The following AGAP1 variants were observed in gnomAD, a reference collection of about 807,000 sequenced individuals.
The protein encoded by AGAP1 is arf-GAP with GTPase, ANK repeat and PH domain-containing protein 1.
In AGAP1, 29 loss-of-function variants were observed where a neutral mutation model predicts 105.3. The observed-to-expected ratio is 0.28, with a 90% CI of 0.21 to 0.38. AGAP1 has a LOEUF of 0.38. AGAP1 is among the 10% of genes least tolerant of loss of function. The pLI is 1.00. For missense variants in AGAP1, 998 were observed against 1,165.1 expected (o/e 0.86, Z 2.09); for synonymous variants, 509 against 485.9 (o/e 1.05, Z -0.63).
chr2:236,123,813 C>T lies in AGAP1; in HGVS notation c.2371-106C>T, dbSNP rs1414892988. On this transcript the variant is annotated intron_variant, in intron 17 of 17. Coordinates refer to ENST00000304032, the MANE Select transcript of AGAP1 (RefSeq NM_001037131.3). This position sits in a 1 kb window ranked among gnomAD's most constrained non-coding sequence, Gnocchi z 4.6. ...CCCCAGCCAGTTGTGTAGCTGGCCC[C>T]GCTGTCCAAGCACAAGCCACATGCA... 17 of 1,398,016 alleles carry T rather than the reference C, an allele frequency of 1.2e-5. No individual in the cohort carries two copies. Among genetic ancestry groups the T allele is most frequent in the Middle Eastern group, 2.5e-4 (1 of 3,998 alleles). The allele number at this position is 1,398,016 out of a possible 1,614,324, so 86.6% of individuals were successfully genotyped here.
intron 1 of AGAP1, among the ~76,000 whole-genome samples, chr2:235,613,112 C>G (rs1946193815): frequency 2.0e-5 from 3 of 150,870 alleles, no homozygotes; most frequent in Admixed American, 2.0e-4. Context: ...AGTGTAACCT[C>G]TGCCTCCTGA....
intron 16 of AGAP1, among the ~76,000 whole-genome samples, chr2:236,068,867 G>A (rs1260064294): frequency 2.7e-5 from 4 of 147,240 alleles, no homozygotes; most frequent in Non-Finnish European, 4.5e-5. Flanking sequence ...GGTGGTTCAC[G>A]CCTGTAATCC....
chr2:236,070,972 A>G (rs2058480239), intron 16 of AGAP1, among the ~76,000 whole-genome samples: 1 of 152,242 alleles, frequency 6.6e-6, no homozygotes, highest in African/African-American at 2.4e-5. Context: ...GCTGTTAGAA[A>G]AAAGAAAAGA....
intron 1 of AGAP1, among the ~76,000 whole-genome samples, chr2:235,514,834 G>A (rs1156330775): frequency 6.6e-6 from 1 of 152,222 alleles, no homozygotes; most frequent in African/African-American, 2.4e-5. Flanking sequence ...AGGGAGGCGG[G>A]ATGGACTCTG....
chr2:236,035,455 T>C lies in AGAP1; in HGVS notation c.1646-1106T>C, dbSNP rs1000021746. Among the ~76,000 whole-genome samples, 9 of 151,966 alleles carry C rather than the reference T, an allele frequency of 5.9e-5. No individual in the cohort carries two copies. Among genetic ancestry groups the C allele is most frequent in the Non-Finnish European group, 1.3e-4 (9 of 67,976 alleles). On this transcript the variant is annotated intron_variant, in intron 13 of 17. Coordinates refer to ENST00000304032, the MANE Select transcript of AGAP1 (RefSeq NM_001037131.3). The surrounding 1 kb of genome is among the most constrained non-coding windows in gnomAD (Gnocchi z 4.2). ...TTGAGACCAGCCTAGGGAGACACCATCTCTACAAAAAATGTCTAACAATTG... is the reference window on the plus strand; with the variant it reads ...TTGAGACCAGCCTAGGGAGACACCACCTCTACAAAAAATGTCTAACAATTG...
At position 235,744,789 on chromosome 2, in the gene AGAP1, C is replaced by G. The variant is rs1366515990; in HGVS notation, c.488C>G (p.Ala163Gly). Reference sequence around the variant, plus strand: ...GTTTACCACTACTACAGTCGAATGGCCAACTATCGGAACACGAGCGAGATT... The same window carrying G: ...GTTTACCACTACTACAGTCGAATGGGCAACTATCGGAACACGAGCGAGATT... ...QTVYHYYSRMANYRNTSEIPL... is the reference protein window; with the variant it reads ...QTVYHYYSRMGNYRNTSEIPL... The change falls in exon 5 of 18, where the codon GCC becomes GGC. Residue 163 changes from alanine to glycine, a missense_variant. Physicochemically the swap from Ala to Gly is moderately conservative, Grantham distance 60. Transcript: ENST00000304032. This position sits in a 1 kb window ranked among gnomAD's most constrained non-coding sequence, Gnocchi z 5.2. The G allele has an allele frequency of 6.2e-7, 1 of 1,613,864 alleles. No individual in the cohort carries two copies. The highest frequency in any genetic ancestry group is 8.5e-7 in the Non-Finnish European group (1 of 1,180,018).
At chr2:235,903,141 A>G (rs1009877601) in intron 10 of AGAP1, among the ~76,000 whole-genome samples, 1 of 152,126 alleles carries the variant, frequency 6.6e-6, no homozygotes, top group Non-Finnish European at 1.5e-5. Flanking sequence ...TTATATATTA[A>G]TATAAAATAT....
rs1950992478 is a variant in AGAP1, at chr2:235,714,386, A to G, written c.223-3171A>G. The stretch of plus-strand genomic sequence containing the variant: ...AGGACGGGGAAGCACAAACATTCCT[A>G]CCATATAGTTGAAGGCTTGTCAGAG... On this transcript the variant is annotated intron_variant, in intron 2 of 17. Transcript: ENST00000304032. The surrounding 1 kb of genome is among the most constrained non-coding windows in gnomAD (Gnocchi z 4.1). 6.6e-6 allele frequency among the ~76,000 whole-genome samples: 1 copy of G among 151,890 alleles called. No individual in the cohort carries two copies. Among genetic ancestry groups the G allele is most frequent in the Non-Finnish European group, 1.5e-5 (1 of 68,008 alleles).
chr2:235,511,802 G>A (rs115536310), intron 1 of AGAP1, among the ~76,000 whole-genome samples: 4,002 of 152,218 alleles, frequency 0.026, 77 homozygotes, highest in Non-Finnish European at 0.036. Context: ...GATTCAGTGT[G>A]CGTATTTGTG....
Position 236,113,775 on chromosome 2 carries a change from C to T in AGAP1, c.2115-6417C>T, listed in dbSNP as rs1311019360. Among the ~76,000 whole-genome samples, 3 of 152,134 alleles carry T rather than the reference C, an allele frequency of 2.0e-5. No homozygotes were observed. Among genetic ancestry groups the T allele is most frequent in the Admixed American group, 6.5e-5 (1 of 15,272 alleles). On this transcript the variant is annotated intron_variant, in intron 16 of 17. Transcript: ENST00000304032. This position sits in a 1 kb window ranked among gnomAD's most constrained non-coding sequence, Gnocchi z 4.3. ...GACCCCGAAAAATCCAGAGGGTTCA[C>T]GGCTCCTGCAACCTACCCAGTGATT...
chr2:235,929,788 A>G (rs2052633518), intron 11 of AGAP1, among the ~76,000 whole-genome samples: 1 of 152,226 alleles, frequency 6.6e-6, no homozygotes, highest in African/African-American at 2.4e-5. Flanking sequence ...CACTAGTTCT[A>G]AAAAGCTCCA....
At position 235,905,840 on chromosome 2, in the gene AGAP1, TGAGAATTCC is replaced by T. The variant is rs1241347992; in HGVS notation, c.1156-2897_1156-2889del. On this transcript the variant is annotated intron_variant, in intron 10 of 17. Transcript: ENST00000304032. The surrounding 1 kb of genome is among the most constrained non-coding windows in gnomAD (Gnocchi z 4.2). ...TGTCACCCTCAACACAGCGCAGTCCTGAGAATTCCTGTGCCGCTTCCAGCTCTAGCTTTC... is the reference window on the plus strand; with the variant it reads ...TGTCACCCTCAACACAGCGCAGTCCTTGTGCCGCTTCCAGCTCTAGCTTTC... Among the ~76,000 whole-genome samples, 1 of 152,238 alleles carries T rather than the reference TGAGAATTCC, an allele frequency of 6.6e-6. No individual in the cohort carries two copies. Among genetic ancestry groups the T allele is most frequent in the Non-Finnish European group, 1.5e-5 (1 of 68,038 alleles).
Position 235,601,064 on chromosome 2 carries a change from C to T in AGAP1, c.163+106215C>T, listed in dbSNP as rs1337181947. Among the ~76,000 whole-genome samples the T allele has an allele frequency of 6.6e-6, 1 of 152,228 alleles. No individual in the cohort carries two copies. Among genetic ancestry groups the T allele is most frequent in the Non-Finnish European group, 1.5e-5 (1 of 68,034 alleles). On this transcript the variant is annotated intron_variant, in intron 1 of 17. Coordinates refer to ENST00000304032, the MANE Select transcript of AGAP1 (RefSeq NM_001037131.3). The surrounding 1 kb of genome is among the most constrained non-coding windows in gnomAD (Gnocchi z 4.4). ...CTGGGAAACGCCACTGCCACAGTAC[C>T]TGCAGGGTCCAGCCAGCTCCCCACC...
At chr2:235,986,733 G>A (rs1575975188) in intron 13 of AGAP1, among the ~76,000 whole-genome samples, 1 of 152,142 alleles carries the variant, frequency 6.6e-6, no homozygotes, top group Admixed American at 6.5e-5. Context: ...ATATAATGAT[G>A]TGGTTTTTAT....
rs1202496105 is a variant in AGAP1 at position 235,737,931 on chromosome 2, A to AG, written c.311-3029dup. ...GAACCTTAGGGTTCATCAAGCAGGGAGGGCTTCCACATACCCTTGTATCTG... is the reference window on the plus strand; with the variant it reads ...GAACCTTAGGGTTCATCAAGCAGGGAGGGGCTTCCACATACCCTTGTATCTG... On this transcript the variant is annotated intron_variant, in intron 3 of 17. Transcript: ENST00000304032. This position sits in a 1 kb window ranked among gnomAD's most constrained non-coding sequence, Gnocchi z 4.5. Among the ~76,000 whole-genome samples, 4 of 151,912 alleles carry AG rather than the reference A, an allele frequency of 2.6e-5. No homozygotes were observed. Among genetic ancestry groups the AG allele is most frequent in the African/African-American group, 9.7e-5 (4 of 41,354 alleles).
chr2:236,074,082 G>C (rs1308675977), intron 16 of AGAP1, among the ~76,000 whole-genome samples: 1 of 151,820 alleles, frequency 6.6e-6, no homozygotes, highest in Admixed American at 6.6e-5. Flanking sequence ...CCTGCTAGCT[G>C]TAGAGATCCA....
intron 6 of AGAP1, among the ~76,000 whole-genome samples, chr2:235,776,726 C>G (rs1056209371): frequency 6.6e-6 from 1 of 152,162 alleles, no homozygotes; most frequent in East Asian, 1.9e-4. Flanking sequence ...GGGCCCTCCC[C>G]CTTCCCCTTG....
rs1191754415 is a variant in AGAP1, at chr2:236,036,208, T to A, written c.1646-353T>A. On this transcript the variant is annotated intron_variant, in intron 13 of 17. Coordinates refer to ENST00000304032, the MANE Select transcript of AGAP1 (RefSeq NM_001037131.3). The surrounding 1 kb of genome is among the most constrained non-coding windows in gnomAD (Gnocchi z 5.7). ...CAGCCGGAGATTAGCGGCCCTAACT[T>A]AATTTTCGTCCCACAGATAAGGATG... Among the ~76,000 whole-genome samples, 1 of 152,158 alleles carries A rather than the reference T, an allele frequency of 6.6e-6. No homozygotes were observed. Among genetic ancestry groups the A allele is most frequent in the African/African-American group, 2.4e-5 (1 of 41,436 alleles).
chr2:235,909,583 A>G (rs2051476577), intron 11 of AGAP1, among the ~76,000 whole-genome samples: 1 of 151,796 alleles, frequency 6.6e-6, no homozygotes, highest in Non-Finnish European at 1.5e-5. Context: ...ATCAGAGATA[A>G]GGAGAAGATC....
Sources: allele counts gnomAD v4.1 joint callset (sites outside exome capture counted in the v4.1 genomes callset), GRCh38; gene constraint gnomAD v4.1.1; non-coding constraint Gnocchi (gnomAD v3.1); transcripts MANE v1.5; gene names NCBI Gene and HGNC (gene_info 2026-07-23, HGNC 2026-07-21).